CCT2: variants seen among roughly 807,000 people sequenced by gnomAD.
The protein encoded by CCT2 is T-complex protein 1 subunit beta.
Under a neutral mutation model 61.8 loss-of-function variants are expected in CCT2, and 18 were observed. The ratio of observed to expected loss-of-function variants is 0.29; its 90% confidence interval spans 0.20 to 0.43. The LOEUF is 0.43. CCT2 is among the 20% of genes least tolerant of loss of function. CCT2 has a pLI of 1.00. For synonymous variants in CCT2, 248 were observed against 215.9 expected (o/e 1.15, Z -1.30); for missense variants, 556 against 656.9 (o/e 0.85, Z 1.68).
Position 69,600,025 on chromosome 12 carries a change from G to GA in CCT2, c.1577+27dup, listed in dbSNP as rs775711782. On this transcript the variant is annotated intron_variant, in intron 15 of 15. Transcript: ENST00000299300. Reference sequence around the variant, plus strand: ...CCCAGGTACCCTAACACTTTTCTCAGAAAAAATTACTAACAGCAAAACAAA... The same window carrying GA: ...CCCAGGTACCCTAACACTTTTCTCAGAAAAAAATTACTAACAGCAAAACAAA... The GA allele has an allele frequency of 4.4e-6, 7 of 1,581,782 alleles. No homozygotes were observed. The African/African-American group carries it at 5.5e-5, about 12-fold the overall frequency.
intron 11 of CCT2, 42 bp downstream of exon 11, chr12:69,597,317 T>G: frequency 6.2e-7 from 1 of 1,607,810 alleles, no homozygotes; most frequent in East Asian, 2.2e-5. Flanking sequence ...TCTAAATTCT[T>G]GCTAGGCTCT....
At chr12:69,592,869 A>T in intron 8 of CCT2, 107 bp from the exon 9 acceptor site, 1 of 975,958 alleles carries the variant, frequency 1.0e-6, no homozygotes, top group Non-Finnish European at 1.5e-6. Context: ...TGGAGGTTGC[A>T]GTGAGCCGAG....
In CCT2 at chr12:69,597,919, T is replaced by A. The variant is rs554184826; in HGVS notation, c.1232-49T>A. The A allele has an allele frequency of 2.0e-6, 3 of 1,506,950 alleles. No individual in the cohort carries two copies. In the African/African-American group the frequency reaches 4.2e-5, roughly 21 times the overall value. The allele number at this position is 1,506,950 out of a possible 1,614,324, so 93.3% of individuals were successfully genotyped here. ...ATCTTAAAGTCAGTAATTCAGTATC[T>A]TGGAGACAACTAAGCATTGCAATAT... On this transcript the variant is annotated intron_variant, in intron 12 of 15. Transcript: ENST00000299300.
intron 1 of CCT2, chr12:69,585,819 C>T: frequency 7.4e-7 from 1 of 1,344,418 alleles, no homozygotes; most frequent in South Asian, 1.8e-5. Flanking sequence ...AGTGTGGGAC[C>T]CGCTCCGCCC....
intron 10 of CCT2, among the ~76,000 whole-genome samples, chr12:69,594,674 T>C (rs1881935342): frequency 6.6e-6 from 1 of 152,026 alleles, no homozygotes; most frequent in Non-Finnish European, 1.5e-5. Flanking sequence ...CTGGGCAATA[T>C]AGTAAGACTG....
Position 69,586,275 on chromosome 12 carries a change from C to G in CCT2, c.9C>G (p.Ser3=). 1 of 1,612,572 alleles carries G rather than the reference C, an allele frequency of 6.2e-7. No homozygotes were observed. Among genetic ancestry groups the G allele is most frequent in the Middle Eastern group, 1.7e-4 (1 of 6,060 alleles). MA[S]LSLAPVNIFK... ...CTCTTGGTTTTCCTTTTCAGGCGTCCCTTTCCCTTGCACCTGTTAACATCT... is the reference window on the plus strand; with the variant it reads ...CTCTTGGTTTTCCTTTTCAGGCGTCGCTTTCCCTTGCACCTGTTAACATCT... The change falls in exon 2 of 16, where the codon TCC becomes TCG. Residue 3 remains serine, a synonymous_variant. Coordinates refer to ENST00000299300, the MANE Select transcript of CCT2 (RefSeq NM_006431.3).
intron 7 of CCT2, among the ~76,000 whole-genome samples, chr12:69,591,390 A>C (rs974378875): frequency 6.6e-6 from 1 of 152,106 alleles, no homozygotes; most frequent in African/African-American, 2.4e-5. Context: ...AATTTGTCGA[A>C]GGTTATATAG....
chr12:69,588,833 G>A (rs1427902231), intron 6 of CCT2, among the ~76,000 whole-genome samples: 1 of 152,182 alleles, frequency 6.6e-6, no homozygotes. Flanking sequence ...CCAGTCCCTG[G>A]TGCCAAAAAG....
chr12:69,588,454 G>A, intron 6 of CCT2, 192 bp downstream of exon 6: 2 of 541,088 alleles, frequency 3.7e-6, no homozygotes, highest in Non-Finnish European at 6.5e-6. Context: ...TAGTCTTTTT[G>A]TATATATCAT....
intron 10 of CCT2, 101 bp downstream of exon 10, chr12:69,593,714 G>A (rs710773): frequency 0.74 from 472,040 of 634,778 alleles, 177,719 homozygotes; most frequent in East Asian, 0.93. Flanking sequence ...TAGAATTTCA[G>A]CAGTTATTCT....
intron 11 of CCT2, among the ~76,000 whole-genome samples, 178 bp downstream of exon 11, chr12:69,597,453 C>G (rs1295273970): frequency 3.3e-5 from 5 of 152,196 alleles, no homozygotes; most frequent in Non-Finnish European, 7.3e-5. Flanking sequence ...TCTTTGTGAA[C>G]AGTGCATGTT....
chr12:69,592,953 T>TCTTTATG (rs1881879883), intron 8 of CCT2, 23 bp from the exon 9 acceptor site: 14 of 1,606,784 alleles, frequency 8.7e-6, no homozygotes, highest in Non-Finnish European at 1.1e-5. Context: ...ACTGATGCTC[T>TCTTTATG]CTTTATGCTT....
Position 69,586,738 on chromosome 12 carries a change from T to C in CCT2, c.79-15T>C. 1.3e-6 allele frequency: 2 copies of C among 1,573,102 alleles called. No homozygotes were observed. Among genetic ancestry groups the C allele is most frequent in the Non-Finnish European group, 8.6e-7 (1 of 1,157,322 alleles). On this transcript the variant is annotated splice_polypyrimidine_tract_variant and intron_variant, in intron 2 of 15. Coordinates refer to ENST00000299300, the MANE Select transcript of CCT2 (RefSeq NM_006431.3). ...GTAAAGTTGATTCTGATAATCTCCT[T>C]GGTTTTTACTCCAGACTTCTTTTAT... is the stretch of plus-strand genomic sequence containing the variant.
At position 69,597,284 on chromosome 12, in the gene CCT2, T is replaced by G; in HGVS notation, c.1102+9T>G. 1 of 1,613,642 alleles carries G rather than the reference T, an allele frequency of 6.2e-7. No individual in the cohort carries two copies. Among genetic ancestry groups the G allele is most frequent in the Non-Finnish European group, 8.5e-7 (1 of 1,179,718 alleles). On this transcript the variant is annotated intron_variant, in intron 11 of 15. Transcript: ENST00000299300. ...TTCTGGGGTTGCCCTTGGTGAGTGATTATGTAGATCCTGGTTAGGGTGTCT... is the reference window on the plus strand; with the variant it reads ...TTCTGGGGTTGCCCTTGGTGAGTGAGTATGTAGATCCTGGTTAGGGTGTCT...
Position 69,586,782 on chromosome 12 carries a change from A to T in CCT2, c.108A>T (p.Gly36=). The T allele has an allele frequency of 6.2e-7, 1 of 1,601,426 alleles. No homozygotes were observed. The highest frequency in any genetic ancestry group is 1.1e-5 in the South Asian group (1 of 87,866). ...LTSFIGAIAI[G]DLVKSTLGPK... is the part of the protein sequence containing the mutation. ...CTTTTATTGGTGCCATCGCCATTGG[A>T]GACTTGGTAAAGAGCACCTTGGGAC... The change falls in exon 3 of 16, where the codon GGA becomes GGT. Residue 36 remains glycine, a synonymous_variant. Transcript: ENST00000299300.
chr12:69,586,703 C>A, intron 2 of CCT2, 50 bp from the exon 3 acceptor site: 2 of 1,264,186 alleles, frequency 1.6e-6, no homozygotes, highest in Non-Finnish European at 2.2e-6. Context: ...TAAAACTGTA[C>A]TTGAAGACTG....
In CCT2 at chr12:69,588,180, C is replaced by T; in HGVS notation, c.364C>T (p.His122Tyr). 3 of 1,613,940 alleles carry T rather than the reference C, an allele frequency of 1.9e-6. No individual in the cohort carries two copies. The highest frequency in any genetic ancestry group is 2.5e-6 in the Non-Finnish European group (3 of 1,179,906). Residue 122 changes from histidine to tyrosine, a missense_variant, in exon 6 of 16, where the codon CAT (histidine) becomes TAT (tyrosine). By Grantham distance (83) the His-to-Tyr change is moderately conservative (BLOSUM62 2). Coordinates refer to ENST00000299300, the MANE Select transcript of CCT2 (RefSeq NM_006431.3). ...EAESLIAKKI[H>Y]PQTIIAGWRE... is the part of the protein sequence containing the mutation. ...AGAATCTTTAATTGCAAAAAAGATT[C>T]ATCCACAGACCATCATAGCGGGTTG... is the stretch of plus-strand genomic sequence containing the variant.
intron 10 of CCT2, among the ~76,000 whole-genome samples, chr12:69,594,593 A>AGCC (rs1565801105): frequency 1.3e-5 from 2 of 152,188 alleles, no homozygotes; most frequent in African/African-American, 4.8e-5. Flanking sequence ...GCGGTGGCTC[A>AGCC]TGCTTGTAAT....
intron 6 of CCT2, among the ~76,000 whole-genome samples, chr12:69,588,742 AGT>A (rs1297037088): frequency 2.6e-5 from 4 of 152,190 alleles, no homozygotes; most frequent in Non-Finnish European, 5.9e-5. Flanking sequence ...TCCAAAGGTA[AGT>A]GTGTGTGTTT....
Sources: gnomAD v4.1 joint callset for allele counts (sites outside exome capture counted in the v4.1 genomes callset) on GRCh38, gnomAD v4.1.1 for gene constraint, MANE v1.5 for transcripts, NCBI Gene and HGNC (gene_info 2026-07-23, HGNC 2026-07-21) for gene names.